SLC8A1: variants seen among roughly 807,000 people sequenced by gnomAD.
The protein encoded by SLC8A1 is solute carrier family 8 member A1.
A neutral mutation model predicts 68.3 loss-of-function variants in SLC8A1; 18 were observed. That is an observed-to-expected ratio of 0.26 (90% CI 0.18 to 0.39). The LOEUF (loss-of-function observed/expected upper bound fraction) is 0.39, where lower values mean the gene tolerates loss of function less well. Ranked by LOEUF, SLC8A1 falls within the 10% of genes least tolerant of loss-of-function variation. The pLI is 1.00. For missense variants in SLC8A1, 985 were observed against 1,156.7 expected, an observed-to-expected ratio of 0.85 and a Z score of 2.15; for synonymous variants, 475 against 415.5, an observed-to-expected ratio of 1.14 and a Z score of -1.74.
At chr2:40,375,879 G>A (rs1281231378) in intron 2 of SLC8A1, among the ~76,000 whole-genome samples, 2 of 152,046 alleles carry the variant, frequency 1.3e-5, no homozygotes, top group African/African-American at 2.4e-5. Context: ...GTGCACACCT[G>A]TAGTTTCAGC....
chr2:40,265,742 A>G (rs1337219391), intron 2 of SLC8A1, among the ~76,000 whole-genome samples: 1 of 152,212 alleles, frequency 6.6e-6, no homozygotes, highest in East Asian at 1.9e-4. Context: ...GATGTTGAAA[A>G]ATGATTAATC....
chr2:40,229,613 ACAC>A (rs1352998105), intron 2 of SLC8A1, among the ~76,000 whole-genome samples: 1 of 152,194 alleles, frequency 6.6e-6, no homozygotes, highest in Non-Finnish European at 1.5e-5. Context: ...TATTTTCACA[ACAC>A]CACATCAGTG....
intron 2 of SLC8A1, among the ~76,000 whole-genome samples, chr2:40,311,375 A>C (rs2073636748): frequency 6.6e-6 from 1 of 152,030 alleles, no homozygotes; most frequent in Admixed American, 6.6e-5. Context: ...TTTCTTCAGA[A>C]AAAAAATTAA....
At chr2:40,270,886 T>C (rs2065939372) in intron 2 of SLC8A1, among the ~76,000 whole-genome samples, 1 of 152,152 alleles carries the variant, frequency 6.6e-6, no homozygotes, top group Non-Finnish European at 1.5e-5. Flanking sequence ...AGGCTAGAGC[T>C]GTCTTTCCAG....
intron 2 of SLC8A1, among the ~76,000 whole-genome samples, chr2:40,409,311 A>T (rs1305081293): frequency 6.6e-6 from 1 of 152,168 alleles, no homozygotes; most frequent in African/African-American, 2.4e-5. Flanking sequence ...CTGTACATTC[A>T]GGCTTCAGGA....
intron 1 of SLC8A1, among the ~76,000 whole-genome samples, chr2:40,481,204 T>C (rs977783093): frequency 1.3e-5 from 2 of 152,198 alleles, no homozygotes; most frequent in Non-Finnish European, 2.9e-5. Flanking sequence ...TAGTTTACCA[T>C]AGGGAGGAAT....
At chr2:40,494,640 AATATATATATAT>A (rs34595267) in intron 1 of SLC8A1, among the ~76,000 whole-genome samples, 10,863 of 92,538 alleles carry the variant, frequency 0.12, 759 homozygotes, top group Admixed American at 0.19. Context: ...CTTAAAGTAT[AATATATATATAT>A]ATATATATAT....
intron 2 of SLC8A1, among the ~76,000 whole-genome samples, chr2:40,259,724 A>G (rs2149088451): frequency 6.6e-6 from 1 of 152,322 alleles, no homozygotes; most frequent in East Asian, 1.9e-4. Flanking sequence ...TTGCCAATAT[A>G]GCAAATCTTT....
intron 2 of SLC8A1, among the ~76,000 whole-genome samples, chr2:40,384,901 A>G (rs1230537482): frequency 6.6e-6 from 1 of 152,110 alleles, no homozygotes; most frequent in African/African-American, 2.4e-5. Flanking sequence ...ACTGTTACTT[A>G]TAATAGCACT....
At chr2:40,240,204 TAC>T (rs1215401571) in intron 2 of SLC8A1, among the ~76,000 whole-genome samples, 13 of 152,224 alleles carry the variant, frequency 8.5e-5, no homozygotes. Context: ...TATCCCTAGA[TAC>T]AGAGAGTACT....
intron 2 of SLC8A1, among the ~76,000 whole-genome samples, chr2:40,328,223 C>T (rs1459997546): frequency 6.6e-6 from 1 of 152,072 alleles, no homozygotes. Context: ...GACTTAAAAG[C>T]ACTATGTGAT....
chr2:40,359,482 G>C (rs556432621), intron 2 of SLC8A1, among the ~76,000 whole-genome samples: 4 of 152,256 alleles, frequency 2.6e-5, no homozygotes, highest in African/African-American at 4.8e-5. Flanking sequence ...TTTACGAAGA[G>C]AGACAATGGG....
At chr2:40,239,250 T>A (rs1384523278) in intron 2 of SLC8A1, among the ~76,000 whole-genome samples, 1 of 152,202 alleles carries the variant, frequency 6.6e-6, no homozygotes, top group South Asian at 2.1e-4. Flanking sequence ...TTTTAGTGTC[T>A]ATCTTTAATA....
intron 2 of SLC8A1, among the ~76,000 whole-genome samples, chr2:40,201,229 CTT>C (rs1352900210): frequency 2.0e-5 from 3 of 151,716 alleles, no homozygotes; most frequent in East Asian, 1.9e-4. Context: ...TCTAAGAAGT[CTT>C]ATGATTTTCT....
chr2:40,430,072 G>A, exon 2 of SLC8A1: 1 of 1,613,880 alleles, frequency 6.2e-7, no homozygotes, highest in South Asian at 1.1e-5. Flanking sequence ...GTCCCCAAAA[G>A]AAGGGTCTTG....
chr2:40,282,660 G>A (rs184877122), intron 2 of SLC8A1, among the ~76,000 whole-genome samples: 14 of 152,212 alleles, frequency 9.2e-5, no homozygotes, highest in East Asian at 3.9e-4. Context: ...AAAACATGAC[G>A]TAGCTTTTGG....
At chr2:40,407,731 T>C (rs952244692) in intron 2 of SLC8A1, among the ~76,000 whole-genome samples, 2 of 152,230 alleles carry the variant, frequency 1.3e-5, no homozygotes, top group Non-Finnish European at 2.9e-5. Context: ...CCCAACTTCC[T>C]GGCACTTTGT....
At chr2:40,150,031 GTTCTC>G (rs2043129655) in intron 6 of SLC8A1, among the ~76,000 whole-genome samples, 1 of 129,470 alleles carries the variant, frequency 7.7e-6, no homozygotes, top group African/African-American at 2.9e-5. Flanking sequence ...CCCTCTCTCT[GTTCTC>G]AGGTTCTTAT....
At chr2:40,256,528 C>G (rs1373976398) in intron 2 of SLC8A1, among the ~76,000 whole-genome samples, 1 of 152,168 alleles carries the variant, frequency 6.6e-6, no homozygotes, top group Non-Finnish European at 1.5e-5. Flanking sequence ...CTAAAGTGTT[C>G]TACTGGACGC....
Sources: allele counts gnomAD v4.1 joint callset (sites outside exome capture counted in the v4.1 genomes callset), GRCh38; gene constraint gnomAD v4.1.1; transcripts MANE v1.5; gene names NCBI Gene and HGNC (gene_info 2026-07-23, HGNC 2026-07-21).